PHAF1: variants seen among roughly 807,000 people sequenced by gnomAD.
PHAF1 encodes phagophore assembly factor 1, also known as phagosome assembly factor 1.
PHAF1 carries 23 observed loss-of-function variants against 63.1 expected under a neutral mutation model. The ratio of observed to expected loss-of-function variants is 0.36; its 90% CI spans 0.26 to 0.52. The LOEUF is 0.52. Among genes scored for constraint, PHAF1 ranks in the 20% least tolerant of loss-of-function variants. The probability of loss-of-function intolerance (pLI) is 0.93; values close to 1 mark genes in which losing one functional copy is unlikely to be tolerated. For synonymous variants in PHAF1, 167 were observed against 185.0 expected (o/e 0.90, Z 0.79); for missense variants, 427 against 517.2 (o/e 0.83, Z 1.69).
chr16:67,120,044 T>C (rs959873661), intron 1 of PHAF1, 68 bp from the exon 2 acceptor site: 8 of 1,350,136 alleles, frequency 5.9e-6, no homozygotes, highest in Non-Finnish European at 8.4e-6. Flanking sequence ...GACCAGTGCC[T>C]AGTGAAGTGG....
Position 67,132,826 on chromosome 16 carries a change from C to T in PHAF1, c.365C>T (p.Ser122Phe). 2 of 1,612,598 alleles carry T rather than the reference C, an allele frequency of 1.2e-6. No individual in the cohort carries two copies. Among genetic ancestry groups the T allele is most frequent in the Non-Finnish European group, 1.7e-6 (2 of 1,178,538 alleles). Residue 122 changes from serine (S) to phenylalanine (F), a missense_variant, in exon 6 of 16, where the codon TCC becomes TTC. By Grantham distance (155) the Ser-to-Phe change is radical (BLOSUM62 -2). Transcript: ENST00000219139. ...CCCCCACCCCCAACAGTGTACAACT[C>T]CGCTGAGCAGCTCTTCCATCTCAAC... is the stretch of plus-strand genomic sequence containing the variant. Reference protein sequence around the residue: ...FGATHPGVYNSAEQLFHLNFR... With the variant: ...FGATHPGVYNFAEQLFHLNFR...
intron 3 of PHAF1, among the ~76,000 whole-genome samples, chr16:67,127,270 G>C (rs929532136): frequency 2.6e-5 from 4 of 152,196 alleles, no homozygotes; most frequent in Non-Finnish European, 5.9e-5. Flanking sequence ...GATGGGCCCT[G>C]GGCAGTGGCA....
rs75694020 is a variant in PHAF1, at chr16:67,120,236, G to C, written c.147+42G>C. The C allele has an allele frequency of 1.6e-3, 2,565 of 1,560,316 alleles. 4 individuals are homozygous for C. Among genetic ancestry groups the C allele is most frequent in the Non-Finnish European group, 2.0e-3 (2,220 of 1,134,064 alleles). On this transcript the variant is annotated intron_variant, in intron 2 of 15. Coordinates refer to ENST00000219139, the MANE Select transcript of PHAF1 (RefSeq NM_025187.5). ...TTGTTTATTGAAATAGCATCCCTCGGTAGTGAGTCACTTCCAGAGCTGATG... is the reference window on the plus strand; with the variant it reads ...TTGTTTATTGAAATAGCATCCCTCGCTAGTGAGTCACTTCCAGAGCTGATG...
At position 67,125,694 on chromosome 16, in the gene PHAF1, T is replaced by C. The variant is rs554926823; in HGVS notation, c.148-265T>C. Among the ~76,000 whole-genome samples the C allele has an allele frequency of 3.3e-5, 5 of 152,336 alleles. No homozygotes were observed. In the South Asian group the frequency reaches 1.0e-3, roughly 32 times the overall value. On this transcript the variant is annotated intron_variant, in intron 2 of 15. Coordinates refer to ENST00000219139, the MANE Select transcript of PHAF1 (RefSeq NM_025187.5). Reference sequence around the variant, plus strand: ...TGTATACTCATATAACTTTGTCCCTTTTCCCCAGGTATTTTTACTCAAGCC... The same window carrying C: ...TGTATACTCATATAACTTTGTCCCTCTTCCCCAGGTATTTTTACTCAAGCC...
intron 13 of PHAF1, 24 bp downstream of exon 13, chr16:67,145,443 G>A (rs1202261836): frequency 6.2e-7 from 1 of 1,614,058 alleles, no homozygotes; most frequent in Admixed American, 1.7e-5. Flanking sequence ...TTCCTACCTG[G>A]CATAGCCTGA....
In PHAF1 at chr16:67,144,384, C is replaced by T. The variant is rs758400425; in HGVS notation, c.962+8C>T. On this transcript the variant is annotated splice_region_variant and intron_variant, in intron 11 of 15. Coordinates refer to ENST00000219139, the MANE Select transcript of PHAF1 (RefSeq NM_025187.5). ...GCATTATAATTTCAACATGTGAGTA[C>T]ACCTGTCTGTACCTCCCCTCTGTGA... 2.5e-6 allele frequency: 4 copies of T among 1,585,014 alleles called. No homozygotes were observed. The highest frequency in any genetic ancestry group is 3.5e-6 in the Non-Finnish European group (4 of 1,153,542).
intron 5 of PHAF1, 95 bp downstream of exon 5, chr16:67,132,620 A>T (rs1280106685): frequency 7.3e-7 from 1 of 1,375,504 alleles, no homozygotes; most frequent in East Asian, 2.3e-5. Flanking sequence ...TCCTGGAGTC[A>T]GGCTCCCATA....
chr16:67,115,313 T>G (rs1962693274), intron 1 of PHAF1, among the ~76,000 whole-genome samples: 1 of 152,210 alleles, frequency 6.6e-6, no homozygotes, highest in Non-Finnish European at 1.5e-5. Context: ...AGAGGCTTCA[T>G]TGAATAAGGC....
intron 10 of PHAF1, among the ~76,000 whole-genome samples, chr16:67,141,367 G>A (rs755473117): frequency 1.5e-4 from 23 of 152,198 alleles, no homozygotes; most frequent in Non-Finnish European, 2.6e-4. Flanking sequence ...TGTTGCAGCT[G>A]GACCTCTGGT....
At chr16:67,119,522 C>CT (rs540049566) in intron 1 of PHAF1, among the ~76,000 whole-genome samples, 465 of 138,594 alleles carry the variant, frequency 3.4e-3, no homozygotes, top group Admixed American at 7.2e-3. Flanking sequence ...TCATACGCAT[C>CT]TTTTTTTTTT....
At chr16:67,138,611 C>T (rs573709931) in intron 8 of PHAF1, among the ~76,000 whole-genome samples, 1 of 152,178 alleles carries the variant, frequency 6.6e-6, no homozygotes, top group Non-Finnish European at 1.5e-5. Flanking sequence ...TGTGCCACAA[C>T]CACTTCTACA....
chr16:67,120,664 T>C (rs933214013), intron 2 of PHAF1, among the ~76,000 whole-genome samples: 1 of 151,490 alleles, frequency 6.6e-6, no homozygotes, highest in African/African-American at 2.4e-5. Flanking sequence ...CAAAGAGCAA[T>C]CTTCCCACCA....
At chr16:67,146,388 G>C (rs999674986) in intron 15 of PHAF1, 38 bp downstream of exon 15, 1 of 1,587,756 alleles carries the variant, frequency 6.3e-7, no homozygotes, top group South Asian at 1.1e-5. Context: ...CTGCCTGGGG[G>C]GTTGCTGGTC....
chr16:67,140,121 G>T lies in PHAF1; in HGVS notation c.795+4G>T. On this transcript the variant is annotated splice_donor_region_variant and intron_variant, in intron 9 of 15. Transcript: ENST00000219139. ...CTTCTATAAATCAGAAGACAAGGTA[G>T]GGGAATTATGTTGCAGTCTCCTCCT... 1 of 1,613,562 alleles carries T rather than the reference G, an allele frequency of 6.2e-7. No homozygotes were observed. Among genetic ancestry groups the T allele is most frequent in the South Asian group, 1.1e-5 (1 of 90,976 alleles).
intron 2 of PHAF1, among the ~76,000 whole-genome samples, chr16:67,121,400 C>T (rs1424179401): frequency 1.4e-5 from 2 of 138,826 alleles, no homozygotes; most frequent in African/African-American, 5.3e-5. Context: ...GACAGGTTTT[C>T]ACCCCATTAG....
intron 1 of PHAF1, among the ~76,000 whole-genome samples, chr16:67,111,778 C>T (rs547019439): frequency 2.0e-5 from 3 of 152,244 alleles, no homozygotes; most frequent in Admixed American, 2.0e-4. Flanking sequence ...CGTCTGCCAC[C>T]ACACCCGGCT....
At chr16:67,133,385 T>G (rs917469158) in intron 6 of PHAF1, among the ~76,000 whole-genome samples, 3 of 151,684 alleles carry the variant, frequency 2.0e-5, no homozygotes, top group African/African-American at 7.3e-5. Context: ...CCGGGCATGG[T>G]GGCTCATGCT....
intron 1 of PHAF1, among the ~76,000 whole-genome samples, chr16:67,117,013 T>C (rs1001536183): frequency 1.3e-5 from 2 of 152,052 alleles, no homozygotes; most frequent in Non-Finnish European, 2.9e-5. Flanking sequence ...TCTTCTTGTT[T>C]AAATTATAAT....
At chr16:67,124,495 C>T (rs555948636) in intron 2 of PHAF1, among the ~76,000 whole-genome samples, 28 of 152,242 alleles carry the variant, frequency 1.8e-4, no homozygotes, top group South Asian at 6.2e-4. Context: ...ATGAGGCCAA[C>T]ACCAGCAGTG....
Sources: gnomAD v4.1 joint callset for allele counts (sites outside exome capture counted in the v4.1 genomes callset) on GRCh38, gnomAD v4.1.1 for gene constraint, MANE v1.5 for transcripts, NCBI Gene and HGNC (gene_info 2026-07-23, HGNC 2026-07-21) for gene names.